Variants in ASPSCR1 observed in about 807,000 individuals in gnomAD.
The protein encoded by ASPSCR1 is tether containing UBX domain for GLUT4.
In ASPSCR1, 55 loss-of-function variants were observed where a neutral mutation model predicts 68.9. That is an observed-to-expected ratio of 0.80 (90% CI 0.64 to 1.00). The LOEUF is 1.00. Among genes scored for constraint, ASPSCR1 ranks in the 50% least tolerant of loss-of-function variants. ASPSCR1 has a pLI of 0.00. For missense variants in ASPSCR1, 765 were observed against 762.2 expected (o/e 1.00, Z -0.04); for synonymous variants, 352 against 332.6 (o/e 1.06, Z -0.63).
chr17:81,981,555 T>G (rs1373726945), intron 2 of ASPSCR1, among the ~76,000 whole-genome samples: 2 of 152,040 alleles, frequency 1.3e-5, no homozygotes, highest in African/African-American at 4.8e-5. Flanking sequence ...ATTTTTGTAT[T>G]TTTAGTAGGG....
At chr17:81,988,487 C>T (rs1305610354) in intron 4 of ASPSCR1, among the ~76,000 whole-genome samples, 2 of 150,936 alleles carry the variant, frequency 1.3e-5, no homozygotes, top group Non-Finnish European at 2.9e-5. Context: ...GCAAGTGGGG[C>T]AGCTCTTTCG....
At chr17:81,997,493 T>G (rs907047436) in intron 7 of ASPSCR1, among the ~76,000 whole-genome samples, 2 of 148,452 alleles carry the variant, frequency 1.3e-5, no homozygotes, top group African/African-American at 5.0e-5. Context: ...CTGGGTTTTT[T>G]TTTTTTTTTT....
intron 12 of ASPSCR1, chr17:82,015,041 TG>T: frequency 3.8e-6 from 6 of 1,571,444 alleles, no homozygotes; most frequent in Non-Finnish European, 4.3e-6. Context: ...CTGCTCTGGC[TG>T]GGGGGACGGT....
rs1345236301 is a variant in ASPSCR1 at position 82,001,995 on chromosome 17, T to A, written c.933+5149T>A. Among the ~76,000 whole-genome samples the A allele has an allele frequency of 4.0e-5, 6 of 148,658 alleles. No homozygotes were observed. In the South Asian group the frequency reaches 6.3e-4, roughly 16 times the overall value. ...TCTTATTTTTCTTTTCTTTTTTTTT[T>A]CTTTTTCCTTTTTTTTTTTTTTTTT... On this transcript the variant is annotated intron_variant, in intron 7 of 15. Coordinates refer to ENST00000306739, the MANE Select transcript of ASPSCR1 (RefSeq NM_024083.4).
At chr17:81,982,165 C>T (rs1388447382) in intron 2 of ASPSCR1, among the ~76,000 whole-genome samples, 2 of 152,066 alleles carry the variant, frequency 1.3e-5, no homozygotes, top group South Asian at 2.1e-4. Flanking sequence ...GACGGAGTTT[C>T]ACCACATTGG....
chr17:82,009,081 C>G lies in ASPSCR1; in HGVS notation c.978C>G (p.His326Gln). ...EPVDREPVVC[H>Q]PDLEERLQAW... is the part of the protein sequence containing the mutation. ...TGGACCGGGAGCCGGTGGTGTGCCA[C>G]CCCGACCTGGAGGAGCGGCTGCAGG... Residue 326 changes from histidine to glutamine, a missense_variant, in exon 8 of 16, where the codon CAC becomes CAG. Physicochemically the swap from His to Gln is conservative, Grantham distance 24. Coordinates refer to ENST00000306739, the MANE Select transcript of ASPSCR1 (RefSeq NM_024083.4). The G allele has an allele frequency of 6.3e-7, 1 of 1,577,416 alleles. No homozygotes were observed. The highest frequency in any genetic ancestry group is 8.6e-7 in the Non-Finnish European group (1 of 1,161,468).
chr17:81,979,898 C>T (rs2041742067), intron 2 of ASPSCR1, among the ~76,000 whole-genome samples: 1 of 152,228 alleles, frequency 6.6e-6, no homozygotes, highest in East Asian at 1.9e-4. Flanking sequence ...GCAGAAGGGT[C>T]AGAGCCCTCA....
At chr17:82,015,482 C>G (rs981249177) in intron 12 of ASPSCR1, 1 of 1,257,214 alleles carries the variant, frequency 8.0e-7, no homozygotes, top group African/African-American at 1.5e-5. Context: ...CCTTTCTGTG[C>G]GTCCCGTGGG....
chr17:81,995,305 A>T, intron 5 of ASPSCR1: 148 of 229,784 alleles, frequency 6.4e-4, no homozygotes, highest in Middle Eastern at 1.5e-3. Context: ...ACTGGCCCGG[A>T]GGGGCCCTGG....
At chr17:82,004,077 C>T (rs956926574) in intron 7 of ASPSCR1, among the ~76,000 whole-genome samples, 1 of 152,210 alleles carries the variant, frequency 6.6e-6, no homozygotes, top group African/African-American at 2.4e-5. Flanking sequence ...TCACATTTTT[C>T]CTCTGTGTGT....
At chr17:81,984,996 C>G (rs1307734569) in intron 3 of ASPSCR1, among the ~76,000 whole-genome samples, 1 of 103,924 alleles carries the variant, frequency 9.6e-6, no homozygotes, top group Non-Finnish European at 1.9e-5. Context: ...GCGTGCACAC[C>G]CCCCCACACA....
At chr17:82,012,391 A>T in intron 12 of ASPSCR1, 108 bp downstream of exon 12, 1 of 1,328,484 alleles carries the variant, frequency 7.5e-7, no homozygotes, top group Non-Finnish European at 1.1e-6. Context: ...GCGCTGGGGC[A>T]GGATAATAAA....
intron 4 of ASPSCR1, among the ~76,000 whole-genome samples, chr17:81,989,769 AG>A (rs1342319677): frequency 1.3e-5 from 2 of 152,198 alleles, no homozygotes; most frequent in Non-Finnish European, 2.9e-5. Context: ...CAGGGGCCTC[AG>A]GGATACCAGC....
rs900051186 is a variant in ASPSCR1 at position 81,983,491 on chromosome 17, G to A, written c.159-63G>A. ...TGGATGGTGGGACGGGGATGGCGGG[G>A]CGTGGATGGCAGGGCGTGTCAGGCT... On this transcript the variant is annotated intron_variant, in intron 2 of 15. Coordinates refer to ENST00000306739, the MANE Select transcript of ASPSCR1 (RefSeq NM_024083.4). This position sits in a 1 kb window ranked among gnomAD's most constrained non-coding sequence, Gnocchi z 4.4. 3.9e-5 allele frequency: 53 copies of A among 1,351,472 alleles called. No individual in the cohort carries two copies. Among genetic ancestry groups the A allele is most frequent in the Middle Eastern group, 1.8e-4 (1 of 5,536 alleles). 83.7% of individuals were successfully genotyped at this position (1,351,472 alleles called of 1,614,324 possible).
intron 4 of ASPSCR1, 85 bp from the exon 5 acceptor site, chr17:81,994,736 C>A: frequency 7.0e-7 from 1 of 1,433,416 alleles, no homozygotes; most frequent in Non-Finnish European, 9.7e-7. Flanking sequence ...CACACCTTTG[C>A]TTTCCGAGTC....
At chr17:81,996,219 G>GT (rs1352553980) in intron 6 of ASPSCR1, among the ~76,000 whole-genome samples, 154 bp downstream of exon 6, 1 of 152,198 alleles carries the variant, frequency 6.6e-6, no homozygotes, top group African/African-American at 2.4e-5. Context: ...GCCTGTGGGC[G>GT]TGGGGGCTGG....
At chr17:82,009,228 C>T in intron 8 of ASPSCR1, 37 bp downstream of exon 8, 1 of 1,559,390 alleles carries the variant, frequency 6.4e-7, no homozygotes, top group Non-Finnish European at 8.7e-7. Context: ...CATCTTCGCG[C>T]CAGGGTTTGC....
Position 81,983,318 on chromosome 17 carries a change from A to C in ASPSCR1, c.159-236A>C, listed in dbSNP as rs2041856441. Among the ~76,000 whole-genome samples, 1 of 152,244 alleles carries C rather than the reference A, an allele frequency of 6.6e-6. No individual in the cohort carries two copies. The highest frequency in any genetic ancestry group is 1.5e-5 in the Non-Finnish European group (1 of 68,020). On this transcript the variant is annotated intron_variant, in intron 2 of 15. Coordinates refer to ENST00000306739, the MANE Select transcript of ASPSCR1 (RefSeq NM_024083.4). The surrounding 1 kb of genome is among the most constrained non-coding windows in gnomAD (Gnocchi z 4.4). Reference sequence around the variant, plus strand: ...GGAGCAGCCCCCTCGGCGTGCACCGAGGCCCACATCTCCCTTTTTCCTGCT... The same window carrying C: ...GGAGCAGCCCCCTCGGCGTGCACCGCGGCCCACATCTCCCTTTTTCCTGCT...
At chr17:82,010,446 G>A (rs552899904) in intron 9 of ASPSCR1, among the ~76,000 whole-genome samples, 206 of 150,874 alleles carry the variant, frequency 1.4e-3, no homozygotes, top group Non-Finnish European at 2.7e-3. Flanking sequence ...GGAGAAAGGC[G>A]TGAACCCGGG....
Sources: gnomAD v4.1 joint callset for allele counts (sites outside exome capture counted in the v4.1 genomes callset) on GRCh38, gnomAD v4.1.1 for gene constraint, Gnocchi (gnomAD v3.1) non-coding constraint, MANE v1.5 for transcripts, NCBI Gene and HGNC (gene_info 2026-07-23, HGNC 2026-07-21) for gene names.